The following TULP4 variants were observed in gnomAD, a reference collection of about 807,000 sequenced individuals.
TULP4 encodes the protein TUB like protein 4, also known as tubby-related protein 4.
TULP4 carries 16 observed loss-of-function variants against 129.0 expected under a neutral mutation model. That is an observed-to-expected ratio of 0.12 (90% CI 0.08 to 0.19). TULP4 has a LOEUF of 0.19. Among genes scored for constraint, TULP4 ranks in the 10% least tolerant of loss-of-function variants. The pLI, the probability that TULP4 is intolerant of heterozygous loss-of-function variation, is 1.00. For missense variants in TULP4, 1,842 were observed against 2,059.1 expected, an observed-to-expected ratio of 0.89 and a Z score of 2.04; for synonymous variants, 998 against 854.0, an observed-to-expected ratio of 1.17 and a Z score of -2.94.
chr6:158,333,097 A>G (rs1307511095), intron 1 of TULP4, among the ~76,000 whole-genome samples: 2 of 152,204 alleles, frequency 1.3e-5, no homozygotes, highest in African/African-American at 4.8e-5. Flanking sequence ...ATACATCTAA[A>G]AATAATTTCA....
chr6:158,287,717 A>T (rs12525675), intron 1 of TULP4, among the ~76,000 whole-genome samples: 26,251 of 152,170 alleles, frequency 0.17, 2,703 homozygotes, highest in Middle Eastern at 0.24. Context: ...GGAATTTGGG[A>T]TGAGCATTGT....
chr6:158,280,096 C>T (rs1011479274), upstream of TULP4, among the ~76,000 whole-genome samples: 2 of 152,124 alleles, frequency 1.3e-5, no homozygotes, highest in Admixed American at 6.5e-5. Context: ...TGTATTCCAT[C>T]GCCATTTCCT....
chr6:158,474,476 G>A (rs1187875029), intron 6 of TULP4, among the ~76,000 whole-genome samples: 1 of 145,700 alleles, frequency 6.9e-6, no homozygotes, highest in African/African-American at 2.5e-5. Flanking sequence ...TAGTAATATA[G>A]TGAGGAAGCT....
chr6:158,487,180 AGG>A (rs1263047016), intron 8 of TULP4, among the ~76,000 whole-genome samples: 93,496 of 151,552 alleles, frequency 0.62, 29,630 homozygotes, highest in African/African-American at 0.76. Flanking sequence ...CGGGAGGCTG[AGG>A]CAGGAGATGG....
chr6:158,454,044 AT>A (rs1292004490), intron 5 of TULP4, among the ~76,000 whole-genome samples: 1 of 125,968 alleles, frequency 7.9e-6, no homozygotes, highest in Non-Finnish European at 1.6e-5. Flanking sequence ...TAATTACTCT[AT>A]TTTTAAACTA....
rs1780735817 is a variant in TULP4, at chr6:158,511,324, A to G, written c.*4630A>G. Reference sequence around the variant, plus strand: ...TGTTTTTGCATTTGTTTATAAATGCATTATTTTGGTACTGTAAATTTGGAC... The same window carrying G: ...TGTTTTTGCATTTGTTTATAAATGCGTTATTTTGGTACTGTAAATTTGGAC... On this transcript the variant is annotated 3_prime_UTR_variant, in exon 14 of 14. Transcript: ENST00000367097. 1 of 151,538 alleles carries G rather than the reference A, an allele frequency of 6.6e-6. No homozygotes were observed. Among genetic ancestry groups the G allele is most frequent in the Non-Finnish European group, 1.5e-5 (1 of 67,896 alleles). 9.4% of individuals were successfully genotyped at this position (151,538 alleles called of 1,614,324 possible).
intron 3 of TULP4, among the ~76,000 whole-genome samples, chr6:158,440,751 GGT>G (rs1241845294): frequency 6.6e-6 from 1 of 152,134 alleles, no homozygotes; most frequent in Non-Finnish European, 1.5e-5. Context: ...GATTGGTACT[GGT>G]TCGTTTTTAG....
In TULP4 at chr6:158,506,644, G is replaced by T; in HGVS notation, c.4582G>T (p.Val1528Leu). The change falls in exon 14 of 14, where the codon GTG becomes TTG. Residue 1528 changes from valine to leucine, a missense_variant. Physicochemically the swap from Val to Leu is conservative, Grantham distance 32. Coordinates refer to ENST00000367097, the MANE Select transcript of TULP4 (RefSeq NM_020245.5). ...ILDFQYPFSAVQAFAVALANV... is the reference protein window; with the variant it reads ...ILDFQYPFSALQAFAVALANV... The stretch of plus-strand genomic sequence containing the variant: ...AGACTTCCAGTATCCGTTCTCAGCC[G>T]TGCAGGCCTTTGCAGTTGCCCTGGC... 1 of 1,614,068 alleles carries T rather than the reference G, an allele frequency of 6.2e-7. No individual in the cohort carries two copies. Among genetic ancestry groups the T allele is most frequent in the Non-Finnish European group, 8.5e-7 (1 of 1,179,950 alleles).
chr6:158,461,467 G>A, intron 5 of TULP4, 96 bp from the exon 6 acceptor site: 1 of 1,208,862 alleles, frequency 8.3e-7, no homozygotes, highest in Non-Finnish European at 1.2e-6. Context: ...TTTGCTCAGT[G>A]TCTGTATTTT....
chr6:158,411,126 G>GAA (rs79023085), intron 1 of TULP4, among the ~76,000 whole-genome samples: 1,747 of 52,116 alleles, frequency 0.034, 52 homozygotes, highest in African/African-American at 0.1. Context: ...AGGTAAAAGT[G>GAA]AAAAAAAAAA....
intron 1 of TULP4, among the ~76,000 whole-genome samples, chr6:158,341,794 T>C (rs1780186239): frequency 6.6e-6 from 1 of 152,230 alleles, no homozygotes; most frequent in African/African-American, 2.4e-5. Context: ...TTGAATTTCT[T>C]ATATATTCTG....
intron 1 of TULP4, among the ~76,000 whole-genome samples, chr6:158,387,684 C>T (rs1349299206): frequency 6.6e-6 from 1 of 152,172 alleles, no homozygotes; most frequent in African/African-American, 2.4e-5. Flanking sequence ...TGCACACACA[C>T]ATACATTGTG....
intron 6 of TULP4, among the ~76,000 whole-genome samples, chr6:158,478,297 G>A (rs1211785527): frequency 6.6e-6 from 1 of 152,174 alleles, no homozygotes; most frequent in Non-Finnish European, 1.5e-5. Flanking sequence ...TCTAAGTTAT[G>A]AATATTGTCT....
At position 158,502,089 on chromosome 6, in the gene TULP4, C is replaced by T. The variant is rs199894898; in HGVS notation, c.2426C>T (p.Pro809Leu). The T allele has an allele frequency of 2.0e-4, 323 of 1,611,764 alleles. No individual in the cohort carries two copies. The highest frequency in any genetic ancestry group is 3.8e-4 in the Admixed American group (23 of 59,812). ...TCAGCCAAGGCCCTGCGGCCAACAC[C>T]GCAGCTGGCAGCTGAGGGGGACGCA... ...QKSAKALRPT[P>L]QLAAEGDAVV... is the part of the protein sequence containing the mutation. Residue 809 changes from proline to leucine, a missense_variant, in exon 13 of 14, where the codon CCG becomes CTG. Physicochemically the swap from Pro to Leu is moderately conservative, Grantham distance 98. Transcript: ENST00000367097.
At chr6:158,286,286 T>G (rs1778834751) in intron 1 of TULP4, among the ~76,000 whole-genome samples, 1 of 152,254 alleles carries the variant, frequency 6.6e-6, no homozygotes, top group South Asian at 2.1e-4. Flanking sequence ...AAATCAATTG[T>G]ACCTTTCTTT....
intron 1 of TULP4, among the ~76,000 whole-genome samples, chr6:158,241,098 C>G (rs1371111614): frequency 2.9e-5 from 4 of 139,852 alleles, no homozygotes; most frequent in Non-Finnish European, 3.2e-5. Context: ...GCGCTCCTCA[C>G]GTCCCAGAGG....
rs939970905 is a variant in TULP4, at chr6:158,502,756, A to G, written c.3093A>G (p.Pro1031=). The change falls in exon 13 of 14, where the codon CCA becomes CCG. Residue 1031 remains proline (P), a synonymous_variant. Coordinates refer to ENST00000367097, the MANE Select transcript of TULP4 (RefSeq NM_020245.5). The stretch of plus-strand genomic sequence containing the variant: ...TGACACAGCTCCCAGCGCGGCCCCC[A>G]CCTGCCCTGTACACCTGCAGTCAGT... The part of the protein sequence containing the change: ...GVVTQLPARP[P]PALYTCSQCS... 3.1e-6 allele frequency: 5 copies of G among 1,597,568 alleles called. No homozygotes were observed. In the African/African-American group the frequency reaches 6.7e-5, roughly 21 times the overall value.
intron 6 of TULP4, among the ~76,000 whole-genome samples, chr6:158,475,242 C>A (rs117503525): frequency 1.6e-4 from 25 of 152,334 alleles, no homozygotes; most frequent in African/African-American, 5.5e-4. Context: ...AGAGGAGAAG[C>A]CTGCCCCTCC....
intron 1 of TULP4, among the ~76,000 whole-genome samples, chr6:158,351,762 A>C (rs552396321): frequency 2.7e-5 from 3 of 110,828 alleles, no homozygotes; most frequent in African/African-American, 1.1e-4. Context: ...TCTGTTGCCC[A>C]GGTTGGAGTG....
Sources: gnomAD v4.1 joint callset for allele counts (sites outside exome capture counted in the v4.1 genomes callset) on GRCh38, gnomAD v4.1.1 for gene constraint, MANE v1.5 for transcripts, NCBI Gene and HGNC (gene_info 2026-07-23, HGNC 2026-07-21) for gene names.